The following MBP variants were observed in gnomAD, a reference collection of about 807,000 sequenced individuals.
MBP encodes Golli-MBP.
MBP carries 16 observed loss-of-function variants against 35.8 expected under a neutral mutation model. That is an observed-to-expected ratio of 0.45 (90% CI 0.30 to 0.68). The LOEUF (loss-of-function observed/expected upper bound fraction) is 0.68. Ranked by LOEUF, MBP falls within the 30% of genes least tolerant of loss-of-function variation. The probability of loss-of-function intolerance (pLI) is 0.08; values close to 1 mark genes in which losing one functional copy is unlikely to be tolerated. For synonymous variants in MBP, 143 were observed against 159.6 expected (o/e 0.90, Z 0.78); for missense variants, 380 against 404.7 (o/e 0.94, Z 0.52).
At chr18:77,080,752 C>T (rs550016322) in intron 2 of MBP, among the ~76,000 whole-genome samples, 1 of 152,268 alleles carries the variant, frequency 6.6e-6, no homozygotes, top group Non-Finnish European at 1.5e-5. Context: ...GGTACAATCT[C>T]AGCTCACTGC....
At chr18:77,010,042 G>A in intron 4 of MBP, 1 of 704,956 alleles carries the variant, frequency 1.4e-6, no homozygotes, top group South Asian at 1.6e-5. Context: ...AGAGTGAGGA[G>A]GAGTGAGCGG....
chr18:77,121,971 G>C (rs572397501), intron 1 of MBP, among the ~76,000 whole-genome samples: 1 of 152,174 alleles, frequency 6.6e-6, no homozygotes, highest in Non-Finnish European at 1.5e-5. Context: ...TCAAATTACT[G>C]AGTTAATTTA....
intron 1 of MBP, among the ~76,000 whole-genome samples, chr18:77,119,663 C>T (rs562422576): frequency 6.6e-6 from 1 of 152,312 alleles, no homozygotes; most frequent in Non-Finnish European, 1.5e-5. Flanking sequence ...ACCTGGTGAG[C>T]CCCAGGGAGC....
At chr18:77,100,656 A>G (rs1214793848) in intron 2 of MBP, among the ~76,000 whole-genome samples, 3 of 151,644 alleles carry the variant, frequency 2.0e-5, no homozygotes, top group Non-Finnish European at 4.4e-5. Context: ...GGCTCAGGTG[A>G]TCTTTCCACC....
At position 76,989,147 on chromosome 18, in the gene MBP, A is replaced by G. The variant is rs1202028786; in HGVS notation, c.682-235T>C. 1 of 681,858 alleles carries G rather than the reference A, an allele frequency of 1.5e-6. No individual in the cohort carries two copies. The highest frequency in any genetic ancestry group is 1.8e-5 in the African/African-American group (1 of 56,752). The allele number at this position is 681,858 out of a possible 1,614,324, so 42.2% of individuals were successfully genotyped here. ...CAGGAAGTGTTTCAGAGGATGGAAA[A>G]CACCTCCCAGAGGCTCCGTAGCTGG... On this transcript the variant is annotated intron_variant, in intron 5 of 8. Transcript: ENST00000355994. The surrounding 1 kb of genome is among the most constrained non-coding windows in gnomAD (Gnocchi z 4.0).
Position 77,119,606 on chromosome 18 carries a change from G to A in MBP, c.-26+12974C>T, listed in dbSNP as rs147403303. On this transcript the variant is annotated intron_variant, in intron 1 of 8. Transcript: ENST00000355994. ...TTGCTCTTCCCTCTTACCTCAAGCC[G>A]CGCCCACACAGCTCAACACCCTCCA... 1.1e-3 allele frequency among the ~76,000 whole-genome samples: 174 copies of A among 152,248 alleles called. 1 individual carries two copies. Among genetic ancestry groups the A allele is most frequent in the African/African-American group, 5.3e-4 (22 of 41,550 alleles).
At chr18:77,045,448 T>C (rs1331415750) in intron 3 of MBP, among the ~76,000 whole-genome samples, 2 of 149,246 alleles carry the variant, frequency 1.3e-5, no homozygotes, top group East Asian at 4.0e-4. Context: ...CATGCATCTC[T>C]GAACTGACCC....
chr18:76,987,155 C>T, intron 7 of MBP: 1 of 985,466 alleles, frequency 1.0e-6, no homozygotes, highest in African/African-American at 1.7e-5. Context: ...CATCGCTCCA[C>T]ATTCAGGGAG....
intron 1 of MBP, among the ~76,000 whole-genome samples, chr18:77,128,521 C>CCACA (rs56770189): frequency 0.38 from 56,194 of 147,506 alleles, 10,562 homozygotes; most frequent in South Asian, 0.42. Context: ...CACGTGCATA[C>CCACA]CACACACACA....
At chr18:77,128,979 G>T (rs73970922) in intron 1 of MBP, among the ~76,000 whole-genome samples, 2 of 151,808 alleles carry the variant, frequency 1.3e-5, no homozygotes, top group East Asian at 3.9e-4. Context: ...TTCCAGTACC[G>T]TAAAGGTAAA....
chr18:77,066,117 C>T (rs1974187522), intron 3 of MBP, 181 bp downstream of exon 3: 1 of 609,872 alleles, frequency 1.6e-6, no homozygotes, highest in Non-Finnish European at 2.9e-6. Context: ...CTTGCATAGA[C>T]CCCATGAAGT....
intron 2 of MBP, among the ~76,000 whole-genome samples, chr18:77,074,325 G>A (rs1366610848): frequency 6.6e-6 from 1 of 151,432 alleles, no homozygotes; most frequent in Admixed American, 6.6e-5. Flanking sequence ...GGTCTCAAGG[G>A]GGTTCAGTGA....
At chr18:76,987,503 C>T in intron 7 of MBP, 1 of 985,668 alleles carries the variant, frequency 1.0e-6, no homozygotes, top group Non-Finnish European at 1.2e-6. Flanking sequence ...CCCTTCCTCC[C>T]TCTCTTCCTT....
At chr18:77,052,054 G>A (rs1429437486) in intron 3 of MBP, among the ~76,000 whole-genome samples, 1 of 152,180 alleles carries the variant, frequency 6.6e-6, no homozygotes, top group East Asian at 1.9e-4. Flanking sequence ...AGGATGAGGA[G>A]GCTGGAGAAG....
At position 76,986,847 on chromosome 18, in the gene MBP, C is replaced by T. The variant is rs3861306; in HGVS notation, c.750+1648G>A. ...TTGACTTTCAGATTAACAATCTGCG[C>T]GGCCTTTCCTCCTTTCCAATCCTTA... is the stretch of plus-strand genomic sequence containing the variant. On this transcript the variant is annotated intron_variant, in intron 7 of 8. Transcript: ENST00000355994. 4.8e-3 allele frequency: 4,763 copies of T among 985,406 alleles called. 178 individuals carry two copies. The African/African-American group carries it at 0.075, about 15-fold the overall frequency. 61.0% of individuals were successfully genotyped at this position (985,406 alleles called of 1,614,324 possible).
Position 76,988,389 on chromosome 18 carries a change from GA to G in MBP, c.750+105del, listed in dbSNP as rs755369906. The G allele has an allele frequency of 6.2e-7, 1 of 1,613,866 alleles. No homozygotes were observed. The highest frequency in any genetic ancestry group is 1.1e-5 in the South Asian group (1 of 91,058). The stretch of plus-strand genomic sequence containing the variant: ...TGGGCAGAGAGGTCTCGAGAGGAGA[GA>G]AAAGGAGGCCAGGAAGCAACCGAAA... On this transcript the variant is annotated intron_variant, in intron 7 of 8. Coordinates refer to ENST00000355994, the MANE Select transcript of MBP (RefSeq NM_001025101.2). The surrounding 1 kb of genome is among the most constrained non-coding windows in gnomAD (Gnocchi z 5.2).
intron 4 of MBP, among the ~76,000 whole-genome samples, chr18:77,011,435 A>C (rs1334142231): frequency 6.6e-6 from 1 of 152,216 alleles, no homozygotes; most frequent in African/African-American, 2.4e-5. Flanking sequence ...TTCACAAAGA[A>C]GATCATCACT....
chr18:77,056,934 C>A (rs1973749332), intron 3 of MBP, among the ~76,000 whole-genome samples: 1 of 152,270 alleles, frequency 6.6e-6, no homozygotes, highest in South Asian at 2.1e-4. Context: ...CGGCTTCCCA[C>A]GTGCCCTGAC....
intron 1 of MBP, among the ~76,000 whole-genome samples, chr18:77,112,169 G>GCGCGCACACACACACACACA (rs370587502): frequency 2.0e-5 from 3 of 150,874 alleles, no homozygotes; most frequent in Admixed American, 1.3e-4. Context: ...CCGTGCACAC[G>GCGCGCACACACACACACACA]CACACACACA....
Sources: gnomAD v4.1 joint callset for allele counts (sites outside exome capture counted in the v4.1 genomes callset) on GRCh38, gnomAD v4.1.1 for gene constraint, Gnocchi (gnomAD v3.1) non-coding constraint, MANE v1.5 for transcripts, NCBI Gene and HGNC (gene_info 2026-07-23, HGNC 2026-07-21) for gene names.